The following ALDH18A1 variants were observed in gnomAD, a reference collection of about 807,000 sequenced individuals.
The protein encoded by ALDH18A1 is aldehyde dehydrogenase 18 family member A1, also known as delta-1-pyrroline-5-carboxylate synthase.
A neutral mutation model predicts 88.8 loss-of-function variants in ALDH18A1; 44 were observed. The ratio of observed to expected loss-of-function variants is 0.50; its 90% CI spans 0.39 to 0.64. The LOEUF (loss-of-function observed/expected upper bound fraction) is 0.64. Ranked by LOEUF, ALDH18A1 falls within the 30% of genes least tolerant of loss-of-function variation. ALDH18A1 has a pLI of 0.00. For missense variants in ALDH18A1, 782 were observed against 1,009.5 expected, an observed-to-expected ratio of 0.77 and a Z score of 3.05; for synonymous variants, 331 against 372.1, an observed-to-expected ratio of 0.89 and a Z score of 1.27.
intron 11 of ALDH18A1, among the ~76,000 whole-genome samples, chr10:95,624,697 A>G (rs561154141): frequency 4.3e-4 from 65 of 152,340 alleles, no homozygotes; most frequent in African/African-American, 1.5e-3. Flanking sequence ...TGAATTCAAC[A>G]TCTTACTTTA....
intron 17 of ALDH18A1, among the ~76,000 whole-genome samples, chr10:95,607,638 G>T (rs7100377): frequency 0.42 from 63,842 of 151,992 alleles, 15,305 homozygotes; most frequent in Non-Finnish European, 0.54. Flanking sequence ...TTTTTGTGGC[G>T]CTGATATTAT....
At chr10:95,624,431 T>C (rs1015696227) in intron 11 of ALDH18A1, among the ~76,000 whole-genome samples, 3 of 152,192 alleles carry the variant, frequency 2.0e-5, no homozygotes, top group African/African-American at 4.8e-5. Flanking sequence ...TGTAATACTA[T>C]AAAAATGAGA....
intron 12 of ALDH18A1, among the ~76,000 whole-genome samples, chr10:95,620,597 C>A (rs1200787096): frequency 6.6e-6 from 1 of 152,126 alleles, no homozygotes; most frequent in Non-Finnish European, 1.5e-5. Context: ...GAATACTATG[C>A]AGCCATAAAA....
intron 7 of ALDH18A1, among the ~76,000 whole-genome samples, chr10:95,631,882 C>G (rs901235934): frequency 6.6e-6 from 1 of 151,910 alleles, no homozygotes; most frequent in Non-Finnish European, 1.5e-5. Context: ...CCTCAAAAGT[C>G]TTTTAAACAG....
At chr10:95,634,061 T>C (rs758561887) in intron 5 of ALDH18A1, among the ~76,000 whole-genome samples, 1 of 152,068 alleles carries the variant, frequency 6.6e-6, no homozygotes, top group Non-Finnish European at 1.5e-5. Context: ...ATTACAGGTG[T>C]GATCCACTGC....
chr10:95,620,856 G>A (rs2097851114), intron 12 of ALDH18A1, among the ~76,000 whole-genome samples, 175 bp downstream of exon 12: 1 of 151,574 alleles, frequency 6.6e-6, no homozygotes, highest in Non-Finnish European at 1.5e-5. Flanking sequence ...GAGTTGATGG[G>A]TGCAGCAAAC....
intron 7 of ALDH18A1, among the ~76,000 whole-genome samples, chr10:95,629,088 T>C (rs1458114438): frequency 6.6e-6 from 1 of 152,224 alleles, no homozygotes; most frequent in Admixed American, 6.5e-5. Flanking sequence ...TATGTCCCTT[T>C]TATAACTAAG....
chr10:95,627,621 T>G lies in ALDH18A1; in HGVS notation c.934-35A>C, dbSNP rs183574540. ...CAGGTTAGATCCAGTAAAGATGAGA[T>G]TCAGACCTATTCACCCACATTTTAA... On this transcript the variant is annotated intron_variant, in intron 8 of 17. Transcript: ENST00000371224. 2.2e-5 allele frequency: 35 copies of G among 1,612,328 alleles called. No individual in the cohort carries two copies. In the South Asian group the frequency reaches 2.5e-4, roughly 12 times the overall value.
In ALDH18A1 at chr10:95,611,434, A is replaced by C; in HGVS notation, c.1932T>G (p.Ile644Met). ...IDMLRVEQVK[I>M]HAGPKFASYL... is the part of the protein sequence containing the mutation. ...AGGAGGCAAATTTGGGGCCTGCATG[A>C]ATTTTTACCTGGAACAGAGGAAGTC... Residue 644 changes from isoleucine to methionine, a missense_variant, in exon 16 of 18, where the codon ATT becomes ATG. Ile to Met is a conservative substitution (Grantham distance 10). Coordinates refer to ENST00000371224, the MANE Select transcript of ALDH18A1 (RefSeq NM_002860.4). 1 of 1,614,192 alleles carries C rather than the reference A, an allele frequency of 6.2e-7. No homozygotes were observed. Among genetic ancestry groups the C allele is most frequent in the Non-Finnish European group, 8.5e-7 (1 of 1,180,024 alleles).
At chr10:95,640,536 T>G (rs1358245738) in intron 3 of ALDH18A1, among the ~76,000 whole-genome samples, 2 of 152,182 alleles carry the variant, frequency 1.3e-5, no homozygotes, top group Non-Finnish European at 2.9e-5. Flanking sequence ...GAGATGAGGT[T>G]TCACCATGTT....
rs1566015735 is a variant in ALDH18A1, at chr10:95,625,369, C to T, written c.1239G>A (p.Glu413=). ...AAATTGCCTGGTCTTTACCCTCTGC[C>T]TCCTCCAAGTCTTTTTTGTTGGCTA... is the stretch of plus-strand genomic sequence containing the variant. ...ILLANKKDLE[E]AEGRLAAPLL... is the part of the protein sequence containing the mutation. Residue 413 remains glutamate, a synonymous_variant, in exon 11 of 18, where the codon GAG becomes GAA. Coordinates refer to ENST00000371224, the MANE Select transcript of ALDH18A1 (RefSeq NM_002860.4). 4 of 1,613,922 alleles carry T rather than the reference C, an allele frequency of 2.5e-6. No homozygotes were observed. The African/African-American group carries it at 5.3e-5, about 22-fold the overall frequency.
rs901109968 is a variant in ALDH18A1 at position 95,606,240 on chromosome 10, C to T, written c.*522G>A. 1 of 994,218 alleles carries T rather than the reference C, an allele frequency of 1.0e-6. No homozygotes were observed. Among genetic ancestry groups the T allele is most frequent in the African/African-American group, 1.7e-5 (1 of 57,276 alleles). The allele number at this position is 994,218 out of a possible 1,614,324, so 61.6% of individuals were successfully genotyped here. Reference sequence around the variant, plus strand: ...CCACAAATAAATACAAAAGGTCAATCTTCCCAGTGGAAATGATTCCATCGA... The same window carrying T: ...CCACAAATAAATACAAAAGGTCAATTTTCCCAGTGGAAATGATTCCATCGA... On this transcript the variant is annotated 3_prime_UTR_variant, in exon 18 of 18. Coordinates refer to ENST00000371224, the MANE Select transcript of ALDH18A1 (RefSeq NM_002860.4).
Position 95,621,083 on chromosome 10 carries a change from G to C in ALDH18A1, c.1415C>G (p.Pro472Arg). Reference sequence around the variant, plus strand: ...AAAGATCACCAGCAGAACTCCAATTGGGACAGTCACTTGTTCCAGTTCCAA... The same window carrying C: ...AAAGATCACCAGCAGAACTCCAATTCGGACAGTCACTTGTTCCAGTTCCAA... ...KNLELEQVTVPIGVLLVIFES... is the reference protein window; with the variant it reads ...KNLELEQVTVRIGVLLVIFES... Residue 472 changes from proline (P) to arginine (R), a missense_variant, in exon 12 of 18, where the codon CCA becomes CGA. Transcript: ENST00000371224. 1 of 1,614,122 alleles carries C rather than the reference G, an allele frequency of 6.2e-7. No individual in the cohort carries two copies. Among genetic ancestry groups the C allele is most frequent in the Middle Eastern group, 1.6e-4 (1 of 6,062 alleles).
At chr10:95,607,462 C>T (rs2097824880) in intron 17 of ALDH18A1, among the ~76,000 whole-genome samples, 1 of 152,142 alleles carries the variant, frequency 6.6e-6, no homozygotes, top group Non-Finnish European at 1.5e-5. Context: ...CCAGCTCAGA[C>T]CTAGGGAACG....
At chr10:95,632,721 G>C (rs1449628618) in intron 7 of ALDH18A1, among the ~76,000 whole-genome samples, 3 of 152,156 alleles carry the variant, frequency 2.0e-5, no homozygotes, top group Non-Finnish European at 4.4e-5. Flanking sequence ...TCTCCATAAA[G>C]CTGTTATTTA....
chr10:95,653,514 C>T, intron 1 of ALDH18A1, 109 bp from the exon 2 acceptor site: 1 of 885,892 alleles, frequency 1.1e-6, no homozygotes, highest in South Asian at 1.4e-5. Flanking sequence ...TCTCCTGCTC[C>T]AAACTCCTCT....
rs372206633 is a variant in ALDH18A1 at position 95,620,194 on chromosome 10, C to T, written c.1467+837G>A. 4.5e-3 allele frequency among the ~76,000 whole-genome samples: 678 copies of T among 152,320 alleles called. 2 individuals are homozygous for T. Among genetic ancestry groups the T allele is most frequent in the Middle Eastern group, 0.02 (6 of 294 alleles). On this transcript the variant is annotated intron_variant, in intron 12 of 17. Coordinates refer to ENST00000371224, the MANE Select transcript of ALDH18A1 (RefSeq NM_002860.4). ...AGACACATGAAAAAATGTTCATCGT[C>T]ACTGGTCATCAGAGAAATGCAAATC... is the stretch of plus-strand genomic sequence containing the variant.
At chr10:95,652,454 G>A (rs576074922) in intron 2 of ALDH18A1, among the ~76,000 whole-genome samples, 10 of 152,342 alleles carry the variant, frequency 6.6e-5, no homozygotes, top group South Asian at 2.1e-4. Context: ...GCATGGGGCC[G>A]GGCACAGTGG....
intron 3 of ALDH18A1, among the ~76,000 whole-genome samples, chr10:95,640,443 G>A (rs895150695): frequency 6.6e-6 from 1 of 151,846 alleles, no homozygotes; most frequent in Non-Finnish European, 1.5e-5. Context: ...CCAGGTTCAA[G>A]CAATTCTACT....
Sources: allele counts gnomAD v4.1 joint callset (sites outside exome capture counted in the v4.1 genomes callset), GRCh38; gene constraint gnomAD v4.1.1; transcripts MANE v1.5; gene names NCBI Gene and HGNC (gene_info 2026-07-23, HGNC 2026-07-21).